Variants in NEBL observed in about 807,000 individuals in gnomAD.
NEBL encodes the protein LIM and SH3 protein 2.
A neutral mutation model predicts 140.2 loss-of-function variants in NEBL; 122 were observed. The ratio of observed to expected loss-of-function variants is 0.87; its 90% confidence interval spans 0.75 to 1.01. The LOEUF is 1.01. Ranked by LOEUF, NEBL falls within the 50% of genes least tolerant of loss-of-function variation. The pLI is 0.00. For missense variants in NEBL, 1,365 were observed against 1,231.3 expected, an observed-to-expected ratio of 1.11 and a Z score of -1.62; for synonymous variants, 436 against 398.9, an observed-to-expected ratio of 1.09 and a Z score of -1.11.
chr10:21,223,250 A>C (rs1212823335), intron 3 of NEBL, among the ~76,000 whole-genome samples: 1 of 152,108 alleles, frequency 6.6e-6, no homozygotes, highest in African/African-American at 2.4e-5. Flanking sequence ...TATCTCCATG[A>C]GTTTAATTGT....
chr10:21,015,020 T>G (rs1838497576), intron 3 of NEBL, among the ~76,000 whole-genome samples: 1 of 152,052 alleles, frequency 6.6e-6, no homozygotes, highest in East Asian at 1.9e-4. Context: ...TCATCGTATC[T>G]GCCCTCATAA....
intron 3 of NEBL, among the ~76,000 whole-genome samples, chr10:21,181,928 G>A (rs1841395126): frequency 2.6e-5 from 4 of 152,218 alleles, no homozygotes; most frequent in Admixed American, 2.0e-4. Flanking sequence ...TGTCTGGGTT[G>A]TCCTGCAGCC....
chr10:20,998,576 T>C (rs1053096271), intron 3 of NEBL, among the ~76,000 whole-genome samples: 1 of 152,044 alleles, frequency 6.6e-6, no homozygotes, highest in Admixed American at 6.5e-5. Flanking sequence ...GCAGGGGAAA[T>C]GGTAGAACCA....
At chr10:20,856,585 C>T (rs150770309) in intron 9 of NEBL, among the ~76,000 whole-genome samples, 178 of 151,906 alleles carry the variant, frequency 1.2e-3, no homozygotes, top group African/African-American at 4.0e-3. Flanking sequence ...ATCTATGAGT[C>T]GTGGAGAAAA....
intron 3 of NEBL, among the ~76,000 whole-genome samples, chr10:21,196,672 A>T (rs913894378): frequency 1.3e-5 from 2 of 152,100 alleles, no homozygotes; most frequent in Non-Finnish European, 2.9e-5. Context: ...GGCACTATTG[A>T]TACTGGAGAC....
intron 9 of NEBL, 63 bp from the exon 10 acceptor site, chr10:20,852,712 T>C: frequency 7.6e-7 from 1 of 1,317,344 alleles, no homozygotes; most frequent in South Asian, 1.2e-5. Context: ...AATAAATACT[T>C]AGAAATACAA....
chr10:20,909,520 C>T (rs186838215), intron 4 of NEBL, among the ~76,000 whole-genome samples: 1 of 152,050 alleles, frequency 6.6e-6, no homozygotes, highest in Non-Finnish European at 1.5e-5. Context: ...CCAAATAGAG[C>T]CTGCCTTTTC....
chr10:20,927,355 C>G (rs767091338), intron 4 of NEBL, among the ~76,000 whole-genome samples: 2 of 152,130 alleles, frequency 1.3e-5, no homozygotes, highest in Non-Finnish European at 2.9e-5. Context: ...AAATCTTAAT[C>G]TGAAGACAGA....
intron 2 of NEBL, among the ~76,000 whole-genome samples, chr10:21,022,090 C>A (rs1012892399): frequency 1.3e-5 from 2 of 152,176 alleles, no homozygotes; most frequent in African/African-American, 2.4e-5. Context: ...TGATTCAGAG[C>A]TGCTGTCCCA....
chr10:20,801,295 C>T (rs908388185), intron 26 of NEBL, among the ~76,000 whole-genome samples: 1 of 151,978 alleles, frequency 6.6e-6, no homozygotes, highest in African/African-American at 2.4e-5. Context: ...TCAGTGCAAC[C>T]TCCACCTCCT....
intron 2 of NEBL, among the ~76,000 whole-genome samples, chr10:21,042,895 A>G (rs1834336214): frequency 6.6e-6 from 1 of 152,258 alleles, no homozygotes; most frequent in Non-Finnish European, 1.5e-5. Context: ...ATTAAACCAC[A>G]TGAAAAGTAA....
chr10:21,197,719 T>A (rs1015584410), intron 3 of NEBL, among the ~76,000 whole-genome samples: 1 of 152,214 alleles, frequency 6.6e-6, no homozygotes, highest in Non-Finnish European at 1.5e-5. Context: ...GCTCCATAGA[T>A]GGCAACTTGA....
Position 21,079,679 on chromosome 10 carries a change from G to T in NEBL, c.165-59478C>A, listed in dbSNP as rs545717496. 1.6e-3 allele frequency among the ~76,000 whole-genome samples: 241 copies of T among 152,262 alleles called. 1 individual carries two copies. Among genetic ancestry groups the T allele is most frequent in the African/African-American group, 5.4e-3 (224 of 41,556 alleles). On this transcript the variant is annotated intron_variant, in intron 2 of 6. Coordinates refer to the NEBL transcript ENST00000417816. ...CTATGGTTCTCATCTTCACCTATCTGCCCCGTAAACACACAGATTGAGCTG... is the reference window on the plus strand; with the variant it reads ...CTATGGTTCTCATCTTCACCTATCTTCCCCGTAAACACACAGATTGAGCTG...
chr10:21,118,446 T>C (rs1179941370), intron 2 of NEBL, among the ~76,000 whole-genome samples: 1 of 152,136 alleles, frequency 6.6e-6, no homozygotes, highest in African/African-American at 2.4e-5. Context: ...GAAACCTAAA[T>C]TGAAATTATC....
intron 3 of NEBL, among the ~76,000 whole-genome samples, chr10:21,182,651 T>G (rs1166623645): frequency 6.6e-6 from 1 of 151,910 alleles, no homozygotes; most frequent in Non-Finnish European, 1.5e-5. Flanking sequence ...TTCTGAGGAA[T>G]AGTCCAAAGA....
At chr10:21,005,406 T>C (rs1344454721) in intron 3 of NEBL, among the ~76,000 whole-genome samples, 2 of 152,096 alleles carry the variant, frequency 1.3e-5, no homozygotes, top group Non-Finnish European at 2.9e-5. Flanking sequence ...AGTAAAACAG[T>C]AAAATTTAAA....
intron 2 of NEBL, among the ~76,000 whole-genome samples, chr10:21,102,263 T>A (rs1837512232): frequency 6.6e-6 from 1 of 152,214 alleles, no homozygotes; most frequent in Non-Finnish European, 1.5e-5. Flanking sequence ...TTTTAACAGC[T>A]TTAATAAGAT....
intron 1 of NEBL, among the ~76,000 whole-genome samples, chr10:21,262,971 G>A (rs1228011413): frequency 6.6e-6 from 1 of 152,136 alleles, no homozygotes; most frequent in Non-Finnish European, 1.5e-5. Context: ...GACAGAAAAG[G>A]CCATCTAAAA....
intron 4 of NEBL, among the ~76,000 whole-genome samples, chr10:20,949,312 C>T (rs748382681): frequency 3.3e-5 from 5 of 151,950 alleles, no homozygotes; most frequent in African/African-American, 4.8e-5. Context: ...GGGGGAAAAG[C>T]GGAGGAAGAG....
Sources: allele counts gnomAD v4.1 joint callset (sites outside exome capture counted in the v4.1 genomes callset), GRCh38; gene constraint gnomAD v4.1.1; transcripts MANE v1.5; gene names NCBI Gene and HGNC (gene_info 2026-07-23, HGNC 2026-07-21).